The following TOMM20 variants were observed in gnomAD, a reference collection of about 807,000 sequenced individuals.
TOMM20 encodes translocase of outer mitochondrial membrane 20, also known as mitochondrial import receptor subunit TOM20 homolog.
A neutral mutation model predicts 22.1 loss-of-function variants in TOMM20; 10 were observed. The ratio of observed to expected loss-of-function variants is 0.45; its 90% CI spans 0.28 to 0.77. The LOEUF is 0.77. Among genes scored for constraint, TOMM20 ranks in the 30% least tolerant of loss-of-function variants. The pLI, the probability that TOMM20 is intolerant of heterozygous loss-of-function variation, is 0.13. For synonymous variants in TOMM20, 55 were observed against 61.4 expected (o/e 0.90, Z 0.49); for missense variants, 121 against 172.2 (o/e 0.70, Z 1.66).
At chr1:235,127,402 C>T (rs542100060) in intron 1 of TOMM20, among the ~76,000 whole-genome samples, 2 of 152,302 alleles carry the variant, frequency 1.3e-5, no homozygotes, top group African/African-American at 4.8e-5. Flanking sequence ...TATTAGTCTG[C>T]CTAGTCATAA....
chr1:235,113,362 T>A (rs1004543666), intron 4 of TOMM20, among the ~76,000 whole-genome samples: 1 of 152,210 alleles, frequency 6.6e-6, no homozygotes, highest in Non-Finnish European at 1.5e-5. Context: ...TGCTCTTGAA[T>A]GTCTAGAACC....
chr1:235,113,665 A>G (rs1558127767), intron 4 of TOMM20, 103 bp downstream of exon 4: 7 of 1,408,880 alleles, frequency 5.0e-6, no homozygotes, highest in South Asian at 4.3e-5. Flanking sequence ...CATTATACAG[A>G]TAAGTTTATT....
At chr1:235,126,109 A>G (rs1257429134) in intron 1 of TOMM20, among the ~76,000 whole-genome samples, 1 of 151,138 alleles carries the variant, frequency 6.6e-6, no homozygotes, top group Non-Finnish European at 1.5e-5. Flanking sequence ...AGATATAGAT[A>G]TAAATATATA....
chr1:235,125,382 G>C (rs933295685), intron 1 of TOMM20, among the ~76,000 whole-genome samples: 6 of 151,766 alleles, frequency 4.0e-5, no homozygotes, highest in African/African-American at 1.5e-4. Context: ...GCCCGGCTAA[G>C]TTTTTCTATT....
intron 1 of TOMM20, chr1:235,127,669 C>A (rs915774752): frequency 5.1e-5 from 19 of 372,898 alleles, no homozygotes; most frequent in Non-Finnish European, 8.5e-5. Context: ...GCTGAACAAC[C>A]AAGATAAGCC....
intron 1 of TOMM20, among the ~76,000 whole-genome samples, chr1:235,126,195 G>C (rs1361188853): frequency 6.6e-6 from 1 of 151,812 alleles, no homozygotes; most frequent in East Asian, 2.0e-4. Flanking sequence ...GAGTGCAGTG[G>C]TGCAGTCTCT....
intron 3 of TOMM20, among the ~76,000 whole-genome samples, chr1:235,117,133 TCAAAAAAAAAAAAAA>T (rs1175738236): frequency 7.8e-5 from 2 of 25,496 alleles, no homozygotes; most frequent in African/African-American, 2.0e-4. Flanking sequence ...AGACTCCATC[TCAAAAAAAAAAAAAA>T]AAAAAAAAAA....
intron 1 of TOMM20, 90 bp from the exon 2 acceptor site, chr1:235,122,462 A>C: frequency 8.2e-7 from 1 of 1,224,178 alleles, no homozygotes; most frequent in East Asian, 2.4e-5. Context: ...CATTAATTCC[A>C]TTTGCAAAAC....
At chr1:235,120,799 C>T (rs141396143) in intron 2 of TOMM20, among the ~76,000 whole-genome samples, 10 of 140,320 alleles carry the variant, frequency 7.1e-5, no homozygotes, top group Non-Finnish European at 1.5e-4. Flanking sequence ...CCCACGAGGT[C>T]GAGGCTGCAG....
At chr1:235,128,572 CA>C in intron 1 of TOMM20, 22 bp downstream of exon 1, 1 of 1,611,778 alleles carries the variant, frequency 6.2e-7, no homozygotes, top group Admixed American at 1.7e-5. Context: ...CAAGCCTGGC[CA>C]GGGGAGAGAG....
At chr1:235,123,532 T>C (rs1660964128) in intron 1 of TOMM20, among the ~76,000 whole-genome samples, 1 of 152,176 alleles carries the variant, frequency 6.6e-6, no homozygotes. Flanking sequence ...TTTACTATGG[T>C]CAAGGTACCT....
intron 3 of TOMM20, among the ~76,000 whole-genome samples, chr1:235,114,367 A>C (rs1287462892): frequency 6.6e-6 from 1 of 152,144 alleles, no homozygotes; most frequent in Non-Finnish European, 1.5e-5. Flanking sequence ...AGCAGGAAAA[A>C]TGGTCATACT....
chr1:235,117,382 C>G lies in TOMM20; in HGVS notation c.250+2436G>C, dbSNP rs534817151. Among the ~76,000 whole-genome samples the G allele has an allele frequency of 3.4e-5, 5 of 149,076 alleles. No homozygotes were observed. In the South Asian group the frequency reaches 1.1e-3, roughly 32 times the overall value. On this transcript the variant is annotated intron_variant, in intron 3 of 4. Coordinates refer to ENST00000366607, the MANE Select transcript of TOMM20 (RefSeq NM_014765.3). ...CTGAGGCAGGAGAATCGCTTGAACC[C>G]GGGAGGCAGAGGTTGCAGTGAGCCG...
intron 3 of TOMM20, among the ~76,000 whole-genome samples, chr1:235,117,773 G>A (rs1487793692): frequency 6.6e-6 from 1 of 152,184 alleles, no homozygotes; most frequent in Non-Finnish European, 1.5e-5. Flanking sequence ...ATAAGTAAAG[G>A]TTTCCAAGAG....
chr1:235,128,320 C>G (rs1161874057), intron 1 of TOMM20, among the ~76,000 whole-genome samples: 1 of 152,238 alleles, frequency 6.6e-6, no homozygotes, highest in Non-Finnish European at 1.5e-5. Flanking sequence ...CCTCCCCAGG[C>G]CACACACACC....
Position 235,113,818 on chromosome 1 carries a change from G to A in TOMM20, c.343C>T (p.Pro115Ser), listed in dbSNP as rs751790242. The change falls in exon 4 of 5, where the codon CCA becomes TCA. Residue 115 changes from proline (P) to serine (S), a missense_variant. By Grantham distance (74) the Pro-to-Ser change is moderately conservative (BLOSUM62 -1). Transcript: ENST00000366607. ...AGAAGCATCTGGAACACTGGTGGTG[G>A]AAGAGTTTGCTGTAAGACCTGCAGT... ...QLLQVLQQTL[P>S]PPVFQMLLTK... 1.2e-6 allele frequency: 2 copies of A among 1,613,528 alleles called. No individual in the cohort carries two copies.
intron 3 of TOMM20, 59 bp downstream of exon 3, chr1:235,119,759 T>TA: frequency 8.4e-7 from 1 of 1,187,776 alleles, no homozygotes; most frequent in Non-Finnish European, 1.2e-6. Flanking sequence ...CTTATCATTA[T>TA]AAATTTCTAT....
Position 235,128,831 on chromosome 1 carries a change from C to G in TOMM20, c.-116G>C. On this transcript the variant is annotated 5_prime_UTR_variant, in exon 1 of 5. Coordinates refer to ENST00000366607, the MANE Select transcript of TOMM20 (RefSeq NM_014765.3). The stretch of plus-strand genomic sequence containing the variant: ...ACCCGACGGCCGCGGGCCAGGAACA[C>G]AGAAAGGCCGAGCACACGCCACTTC... 1 of 1,521,450 alleles carries G rather than the reference C, an allele frequency of 6.6e-7. No individual in the cohort carries two copies. The allele number at this position is 1,521,450 out of a possible 1,614,324, so 94.2% of individuals were successfully genotyped here.
chr1:235,128,819 G>A lies in TOMM20; in HGVS notation c.-104C>T, dbSNP rs1176704410. ...GGCGCAGCTCACACCCGACGGCCGC[G>A]GGCCAGGAACACAGAAAGGCCGAGC... On this transcript the variant is annotated 5_prime_UTR_variant, in exon 1 of 5. Transcript: ENST00000366607. 3 of 1,551,822 alleles carry A rather than the reference G, an allele frequency of 1.9e-6. No homozygotes were observed. Among genetic ancestry groups the A allele is most frequent in the Admixed American group, 1.9e-5 (1 of 53,214 alleles).
Sources: gnomAD v4.1 joint callset for allele counts (sites outside exome capture counted in the v4.1 genomes callset) on GRCh38, gnomAD v4.1.1 for gene constraint, MANE v1.5 for transcripts, NCBI Gene and HGNC (gene_info 2026-07-23, HGNC 2026-07-21) for gene names.